The following TMEM74 variants were observed in gnomAD, a reference collection of about 807,000 sequenced individuals.
The protein encoded by TMEM74 is transmembrane protein 74.
In TMEM74, 13 loss-of-function variants were observed where a neutral mutation model predicts 18.1. That is an observed-to-expected ratio of 0.72 (90% confidence interval 0.47 to 1.14). The LOEUF (loss-of-function observed/expected upper bound fraction) is 1.14. Among genes scored for constraint, TMEM74 ranks in the 50% most tolerant of loss-of-function variants. TMEM74 has a pLI of 0.00. For synonymous variants in TMEM74, 159 were observed against 146.6 expected (o/e 1.08, Z -0.61); for missense variants, 372 against 375.9 (o/e 0.99, Z 0.09).
At chr8:108,671,665 G>A (rs914603266) in intron 1 of TMEM74, among the ~76,000 whole-genome samples, 7 of 152,118 alleles carry the variant, frequency 4.6e-5, no homozygotes, top group Non-Finnish European at 1.0e-4. Context: ...TGGTCTGGAA[G>A]TATGTAATTG....
At chr8:108,700,811 C>T (rs1813327832) in intron 1 of TMEM74, among the ~76,000 whole-genome samples, 1 of 152,116 alleles carries the variant, frequency 6.6e-6, no homozygotes, top group African/African-American at 2.4e-5. Flanking sequence ...CAGGTTTACA[C>T]AGCTGGAGCA....
At position 108,779,757 on chromosome 8, in the gene TMEM74, A is replaced by T. The variant is rs1424760861; in HGVS notation, c.*4424T>A. Among the ~76,000 whole-genome samples, 1 of 152,224 alleles carries T rather than the reference A, an allele frequency of 6.6e-6. No homozygotes were observed. The highest frequency in any genetic ancestry group is 1.5e-5 in the Non-Finnish European group (1 of 68,028). On this transcript the variant is annotated 3_prime_UTR_variant, in exon 2 of 2. Transcript: ENST00000297459. ...TAACTATAAAATATAGTCCAAATGC[A>T]CATAGACTTGAGTGCACATAAATCT...
downstream of TMEM74, among the ~76,000 whole-genome samples, chr8:108,778,919 A>T (rs7831284): frequency 0.24 from 37,252 of 152,086 alleles, 5,253 homozygotes; most frequent in Middle Eastern, 0.33. Flanking sequence ...ACAAAAAATA[A>T]GGCACAGTCT....
At chr8:108,745,797 G>C (rs550052557) in intron 1 of TMEM74, among the ~76,000 whole-genome samples, 2 of 152,152 alleles carry the variant, frequency 1.3e-5, no homozygotes, top group African/African-American at 4.8e-5. Flanking sequence ...CCGCACCCTG[G>C]GCCTGGTAGT....
chr8:108,609,355 A>G (rs756317403), intron 2 of TMEM74, among the ~76,000 whole-genome samples: 2 of 152,210 alleles, frequency 1.3e-5, no homozygotes, highest in African/African-American at 2.4e-5. Context: ...AACTATTCTT[A>G]AAATATTCAG....
At chr8:108,715,177 T>C (rs1813511037) in intron 1 of TMEM74, among the ~76,000 whole-genome samples, 3 of 152,128 alleles carry the variant, frequency 2.0e-5, no homozygotes, top group African/African-American at 7.2e-5. Context: ...TATAAACATG[T>C]TTAGTGATTT....
intron 2 of TMEM74, among the ~76,000 whole-genome samples, chr8:108,622,250 T>C (rs893733446): frequency 6.6e-6 from 1 of 152,086 alleles, no homozygotes; most frequent in African/African-American, 2.4e-5. Flanking sequence ...TGCATGACAA[T>C]GACCACTACT....
chr8:108,767,740 GTTACTTATAT>G (rs1814125284), intron 1 of TMEM74, among the ~76,000 whole-genome samples: 2 of 152,028 alleles, frequency 1.3e-5, no homozygotes, highest in Admixed American at 6.5e-5. Flanking sequence ...CAGGGATCTA[GTTACTTATAT>G]TTTCTTCTCT....
rs1489774403 is a variant in TMEM74 at position 108,780,810 on chromosome 8, G to A, written c.*3371C>T. ...GTAAACTATAAATCACCTACACAGTGGGGAGCATGACGAAAAGCTGTTCTT... is the reference window on the plus strand; with the variant it reads ...GTAAACTATAAATCACCTACACAGTAGGGAGCATGACGAAAAGCTGTTCTT... On this transcript the variant is annotated 3_prime_UTR_variant, in exon 2 of 2. Transcript: ENST00000297459. Among the ~76,000 whole-genome samples the A allele has an allele frequency of 6.6e-6, 1 of 152,082 alleles. No homozygotes were observed. The highest frequency in any genetic ancestry group is 1.9e-4 in the East Asian group (1 of 5,184).
rs71564011 is a variant in TMEM74 at position 108,615,819 on chromosome 8, C to CTTTTTTTTTT, written n.265-7003_265-6994dup. On this transcript the variant is annotated intron_variant and non_coding_transcript_variant, in intron 2 of 3. Coordinates refer to the TMEM74 transcript ENST00000518838. ...TGCAATGATTGGGATTGCATGGGAG[C>CTTTTTTTTTT]TTTTTTTTTTTTTTTTTTTTTTTGG... 2.1e-3 allele frequency among the ~76,000 whole-genome samples: 163 copies of CTTTTTTTTTT among 76,454 alleles called. 13 individuals are homozygous for CTTTTTTTTTT. The highest frequency in any genetic ancestry group is 5.7e-3 in the East Asian group (12 of 2,112). 50.2% of individuals were successfully genotyped at this position (76,454 alleles called of 152,430 possible). A position where few individuals can be genotyped will look rare whatever the true frequency, so the allele number is the denominator to read the frequency against.
In TMEM74 at chr8:108,782,265, A is replaced by G. The variant is rs150996811; in HGVS notation, c.*1916T>C. Among the ~76,000 whole-genome samples the G allele has an allele frequency of 6.6e-6, 1 of 152,330 alleles. No homozygotes were observed. The highest frequency in any genetic ancestry group is 1.5e-5 in the Non-Finnish European group (1 of 68,026). ...GCCTCAACAAAAATCATGAAATGAG[A>G]GTCACAGTAAAACAAAGTTTGTTCA... On this transcript the variant is annotated 3_prime_UTR_variant, in exon 2 of 2. Coordinates refer to ENST00000297459, the MANE Select transcript of TMEM74 (RefSeq NM_153015.3).
At chr8:108,669,369 G>T (rs1462351967) in intron 1 of TMEM74, among the ~76,000 whole-genome samples, 2 of 152,102 alleles carry the variant, frequency 1.3e-5, no homozygotes, top group South Asian at 2.1e-4. Flanking sequence ...ACAATGAAAA[G>T]GTCATCATTA....
intron 2 of TMEM74, among the ~76,000 whole-genome samples, chr8:108,636,973 C>T (rs1284321224): frequency 6.6e-6 from 1 of 152,014 alleles, no homozygotes; most frequent in East Asian, 1.9e-4. Context: ...AGCTCTCTAC[C>T]CTAGTAAGCA....
intron 1 of TMEM74, among the ~76,000 whole-genome samples, chr8:108,734,807 G>C (rs1007658925): frequency 6.6e-5 from 10 of 152,180 alleles, no homozygotes; most frequent in Non-Finnish European, 1.2e-4. Flanking sequence ...TTCTCAAGTG[G>C]AAGCTGCTTA....
At chr8:108,623,539 T>C (rs1812463421) in intron 2 of TMEM74, among the ~76,000 whole-genome samples, 4 of 152,118 alleles carry the variant, frequency 2.6e-5, no homozygotes, top group Admixed American at 1.3e-4. Context: ...TGTTAATATT[T>C]ACACTTGTAT....
chr8:108,701,545 A>T (rs915147327), intron 1 of TMEM74, among the ~76,000 whole-genome samples: 3 of 152,244 alleles, frequency 2.0e-5, no homozygotes, highest in African/African-American at 4.8e-5. Flanking sequence ...TTACAGAAAG[A>T]TTGTAGTATA....
chr8:108,704,734 A>C (rs1311421433), intron 1 of TMEM74, among the ~76,000 whole-genome samples: 1 of 152,222 alleles, frequency 6.6e-6, no homozygotes, highest in African/African-American at 2.4e-5. Context: ...GCCCTCCAAG[A>C]GGAACTGTCA....
intron 1 of TMEM74, among the ~76,000 whole-genome samples, chr8:108,698,078 CT>C (rs1035859346): frequency 5.9e-5 from 9 of 152,144 alleles, no homozygotes; most frequent in Non-Finnish European, 7.3e-5. Flanking sequence ...TGTGGCAATA[CT>C]TTCCCTGTAT....
intron 1 of TMEM74, among the ~76,000 whole-genome samples, chr8:108,743,075 C>G (rs1164740417): frequency 6.6e-6 from 1 of 152,160 alleles, no homozygotes; most frequent in Non-Finnish European, 1.5e-5. Context: ...TGAAACAGAT[C>G]AGCAAGAACA....
Sources: gnomAD v4.1 joint callset for allele counts (sites outside exome capture counted in the v4.1 genomes callset) on GRCh38, gnomAD v4.1.1 for gene constraint, MANE v1.5 for transcripts, NCBI Gene and HGNC (gene_info 2026-07-23, HGNC 2026-07-21) for gene names.